PIK3AP1: variants seen among roughly 807,000 people sequenced by gnomAD.
The protein encoded by PIK3AP1 is phosphoinositide 3-kinase adapter protein 1.
In PIK3AP1, 21 loss-of-function variants were observed where a neutral mutation model predicts 88.1. The ratio of observed to expected loss-of-function variants is 0.24; its 90% CI spans 0.17 to 0.34. The LOEUF is 0.34. Among genes scored for constraint, PIK3AP1 ranks in the 10% least tolerant of loss-of-function variants. The pLI is 1.00. For synonymous variants in PIK3AP1, 398 were observed against 400.0 expected, an observed-to-expected ratio of 1.00 and a Z score of 0.06; for missense variants, 828 against 1,035.7, an observed-to-expected ratio of 0.80 and a Z score of 2.75.
chr10:96,719,748 T>A (rs1246515946), intron 1 of PIK3AP1, among the ~76,000 whole-genome samples: 1 of 152,168 alleles, frequency 6.6e-6, no homozygotes, highest in Admixed American at 6.5e-5. Flanking sequence ...CTTGGCACCC[T>A]TTGATGAGTA....
chr10:96,701,578 C>T (rs922911734), intron 2 of PIK3AP1, among the ~76,000 whole-genome samples: 1 of 152,182 alleles, frequency 6.6e-6, no homozygotes, highest in Non-Finnish European at 1.5e-5. Context: ...GAGGAGGGTA[C>T]ACATTCTCCA....
intron 2 of PIK3AP1, among the ~76,000 whole-genome samples, chr10:96,658,405 G>T (rs1052622146): frequency 6.6e-6 from 1 of 152,150 alleles, no homozygotes; most frequent in African/African-American, 2.4e-5. Flanking sequence ...TGTAACCACA[G>T]GCTTTCACCC....
chr10:96,619,294 G>C (rs2134199794), intron 12 of PIK3AP1: 1 of 152,326 alleles, frequency 6.6e-6, no homozygotes, highest in East Asian at 1.9e-4. Context: ...TCTCAGCCCT[G>C]GACGGGTGCT....
intron 2 of PIK3AP1, among the ~76,000 whole-genome samples, chr10:96,684,119 C>T (rs930532566): frequency 2.6e-5 from 4 of 152,222 alleles, no homozygotes; most frequent in African/African-American, 9.6e-5. Context: ...GACAAAGAAA[C>T]TCCTCTAAAT....
chr10:96,708,340 C>T (rs1313939433), intron 2 of PIK3AP1, among the ~76,000 whole-genome samples: 2 of 151,480 alleles, frequency 1.3e-5, no homozygotes, highest in Non-Finnish European at 2.9e-5. Flanking sequence ...TTTGGGAGGC[C>T]GAGGCAGGTG....
At chr10:96,628,014 T>A (rs1843176729) in intron 9 of PIK3AP1, among the ~76,000 whole-genome samples, 1 of 152,210 alleles carries the variant, frequency 6.6e-6, no homozygotes, top group African/African-American at 2.4e-5. Context: ...CACCAGCAAG[T>A]AAAGTCTCCT....
chr10:96,702,448 G>A (rs1218225373), intron 2 of PIK3AP1, among the ~76,000 whole-genome samples: 1 of 149,502 alleles, frequency 6.7e-6, no homozygotes, highest in Non-Finnish European at 1.5e-5. Context: ...GCAGTGAGCC[G>A]AGATCACGCC....
intron 2 of PIK3AP1, among the ~76,000 whole-genome samples, chr10:96,692,588 GAAAGAAAGA>G (rs1236095904): frequency 1.0e-3 from 151 of 151,240 alleles, no homozygotes; most frequent in African/African-American, 3.5e-3. Context: ...AAAAAAGAAA[GAAAGAAAGA>G]AAAGAAAGAA....
intron 2 of PIK3AP1, among the ~76,000 whole-genome samples, chr10:96,694,590 G>A (rs1844197297): frequency 1.4e-5 from 2 of 146,144 alleles, no homozygotes; most frequent in Non-Finnish European, 3.0e-5. Flanking sequence ...CTGGAGTGCA[G>A]TGGGGCTGTC....
At chr10:96,686,219 C>T (rs1844066169) in intron 2 of PIK3AP1, among the ~76,000 whole-genome samples, 1 of 152,194 alleles carries the variant, frequency 6.6e-6, no homozygotes, top group South Asian at 2.1e-4. Context: ...TCCAAAGCTG[C>T]TTCAGCGGAG....
At position 96,687,255 on chromosome 10, in the gene PIK3AP1, C is replaced by CAAA. The variant is rs59631566; in HGVS notation, c.430+22309_430+22311dup. 1.1e-3 allele frequency among the ~76,000 whole-genome samples: 63 copies of CAAA among 55,332 alleles called. 1 individual carries two copies. The highest frequency in any genetic ancestry group is 2.6e-3 in the African/African-American group (34 of 13,208). 36.3% of individuals were successfully genotyped at this position (55,332 alleles called of 152,430 possible). The stretch of plus-strand genomic sequence containing the variant: ...TGGGCAAAAGAGCGATACTCCATCT[C>CAAA]AAAAAAAAAAAAAAAAAAAAAAAAA... On this transcript the variant is annotated intron_variant, in intron 2 of 16. Transcript: ENST00000339364.
intron 7 of PIK3AP1, among the ~76,000 whole-genome samples, chr10:96,647,109 C>T (rs1416749660): frequency 6.6e-6 from 1 of 152,192 alleles, no homozygotes; most frequent in Non-Finnish European, 1.5e-5. Context: ...GGTCACAATG[C>T]TGAAGCTGCA....
Position 96,720,309 on chromosome 10 carries a change from A to C in PIK3AP1, c.13+73T>G. The C allele has an allele frequency of 8.2e-7, 1 of 1,225,812 alleles. No homozygotes were observed. The highest frequency in any genetic ancestry group is 1.0e-6 in the Non-Finnish European group (1 of 972,908). The allele number at this position is 1,225,812 out of a possible 1,614,324, so 75.9% of individuals were successfully genotyped here. On this transcript the variant is annotated intron_variant, in intron 1 of 16. Coordinates refer to ENST00000339364, the MANE Select transcript of PIK3AP1 (RefSeq NM_152309.3). The surrounding 1 kb of genome is among the most constrained non-coding windows in gnomAD (Gnocchi z 4.6). Reference sequence around the variant, plus strand: ...GGACGCAAACAGAAGCAAGCGGGGGAGCGCGCCTCAAGGGATGCGGGGTAC... The same window carrying C: ...GGACGCAAACAGAAGCAAGCGGGGGCGCGCGCCTCAAGGGATGCGGGGTAC...
At chr10:96,604,483 C>G (rs1848968351) in intron 14 of PIK3AP1, among the ~76,000 whole-genome samples, 1 of 150,630 alleles carries the variant, frequency 6.6e-6, no homozygotes, top group African/African-American at 2.4e-5. Context: ...CAAGTGTGAA[C>G]CACTATGTCC....
chr10:96,599,032 A>G (rs1259995674), intron 16 of PIK3AP1, among the ~76,000 whole-genome samples: 2 of 152,178 alleles, frequency 1.3e-5, no homozygotes, highest in Non-Finnish European at 2.9e-5. Flanking sequence ...CTCTGGCTGC[A>G]ATGTGGAGGA....
At chr10:96,631,120 A>G (rs1239108647) in intron 8 of PIK3AP1, among the ~76,000 whole-genome samples, 1 of 152,052 alleles carries the variant, frequency 6.6e-6, no homozygotes, top group African/African-American at 2.4e-5. Flanking sequence ...GGAGGGAGAA[A>G]CTCCACAGCC....
intron 1 of PIK3AP1, among the ~76,000 whole-genome samples, chr10:96,719,000 C>T (rs1312286543): frequency 3.3e-5 from 5 of 152,182 alleles, no homozygotes; most frequent in African/African-American, 1.2e-4. Context: ...CTGGCCACCT[C>T]ATTTGAAAAT....
chr10:96,699,605 T>TG (rs1844267366), intron 2 of PIK3AP1, among the ~76,000 whole-genome samples: 2 of 152,222 alleles, frequency 1.3e-5, no homozygotes, highest in African/African-American at 4.8e-5. Context: ...CTGCTCTAAC[T>TG]GAGCACCCAA....
At chr10:96,694,512 C>T (rs1481150296) in intron 2 of PIK3AP1, among the ~76,000 whole-genome samples, 1 of 137,888 alleles carries the variant, frequency 7.3e-6, no homozygotes, top group African/African-American at 2.6e-5. Context: ...CCCTCCCCTT[C>T]GCTTCCCTTC....
Sources: allele counts gnomAD v4.1 joint callset (sites outside exome capture counted in the v4.1 genomes callset), GRCh38; gene constraint gnomAD v4.1.1; non-coding constraint Gnocchi (gnomAD v3.1); transcripts MANE v1.5; gene names NCBI Gene and HGNC (gene_info 2026-07-23, HGNC 2026-07-21).